The following LINGO2 variants were observed in gnomAD, a reference collection of about 807,000 sequenced individuals.
The protein encoded by LINGO2 is leucine rich repeat and Ig domain containing 2, also known as leucine-rich repeat and immunoglobulin-like domain-containing nogo receptor-interacting protein 2.
A neutral mutation model predicts 30.6 loss-of-function variants in LINGO2; 14 were observed. The ratio of observed to expected loss-of-function variants is 0.46; its 90% CI spans 0.30 to 0.72. The LOEUF is 0.72. Among genes scored for constraint, LINGO2 ranks in the 30% least tolerant of loss-of-function variants. LINGO2 has a pLI of 0.07. For missense variants in LINGO2, 729 were observed against 751.7 expected (o/e 0.97, Z 0.35); for synonymous variants, 317 against 288.5 (o/e 1.10, Z -1.00).
chr9:27,954,845 G>A (rs1460153367), intron 5 of LINGO2, among the ~76,000 whole-genome samples: 1 of 152,160 alleles, frequency 6.6e-6, no homozygotes, highest in African/African-American at 2.4e-5. Context: ...CATAGTGGCT[G>A]TAGTAGTTCA....
intron 1 of LINGO2, among the ~76,000 whole-genome samples, chr9:28,477,091 C>A (rs1335593345): frequency 2.0e-5 from 3 of 152,134 alleles, no homozygotes; most frequent in African/African-American, 7.2e-5. Flanking sequence ...TTTGCACTCT[C>A]TCAAAAGAAC....
chr9:29,143,695 A>C, the LINGO2 span, among the ~76,000 whole-genome samples: 2 of 152,162 alleles, frequency 1.3e-5, no homozygotes, highest in Non-Finnish European at 2.9e-5. Context: ...ATAGATTGCA[A>C]AAACTTTCCC....
intron 1 of LINGO2, among the ~76,000 whole-genome samples, chr9:28,520,054 T>C (rs993781576): frequency 2.6e-5 from 4 of 152,212 alleles, no homozygotes; most frequent in African/African-American, 9.6e-5. Flanking sequence ...TTCATTATCA[T>C]TATTAGCACT....
At chr9:27,956,898 G>C (rs969179692) in intron 5 of LINGO2, among the ~76,000 whole-genome samples, 1 of 152,052 alleles carries the variant, frequency 6.6e-6, no homozygotes, top group Non-Finnish European at 1.5e-5. Context: ...TTTGAGATCA[G>C]CCTGGGCAAC....
chr9:28,007,051 G>C (rs1822302477), intron 5 of LINGO2, among the ~76,000 whole-genome samples: 1 of 152,102 alleles, frequency 6.6e-6, no homozygotes, highest in Non-Finnish European at 1.5e-5. Context: ...TGTTTCACTA[G>C]TCTGTTAGTT....
Position 28,053,215 on chromosome 9 carries a change from T to G in LINGO2, c.-86-40810A>C, listed in dbSNP as rs536901881. Among the ~76,000 whole-genome samples, 9 of 152,192 alleles carry G rather than the reference T, an allele frequency of 5.9e-5. No individual in the cohort carries two copies. The South Asian group carries it at 1.5e-3, about 25-fold the overall frequency. ...TATACAGGCCATGTAGCATTTATAC[T>G]GAGTCCTGGAGAATGGAGAGGAATT... On this transcript the variant is annotated intron_variant, in intron 4 of 5. Coordinates refer to ENST00000379992, the Ensembl canonical transcript of LINGO2.
At chr9:28,618,340 T>C (rs962984565) in intron 1 of LINGO2, among the ~76,000 whole-genome samples, 4 of 152,168 alleles carry the variant, frequency 2.6e-5, no homozygotes, top group African/African-American at 4.8e-5. Flanking sequence ...CATTCAATCA[T>C]TAGCATCTCC....
intron 5 of LINGO2, among the ~76,000 whole-genome samples, chr9:28,010,863 A>G (rs1316597163): frequency 2.0e-5 from 3 of 152,086 alleles, no homozygotes; most frequent in African/African-American, 7.2e-5. Flanking sequence ...GCCGAGGTGG[A>G]AGGATGATCT....
intron 1 of LINGO2, among the ~76,000 whole-genome samples, chr9:28,532,719 G>A (rs1391970947): frequency 6.6e-6 from 1 of 152,078 alleles, no homozygotes; most frequent in Non-Finnish European, 1.5e-5. Context: ...AACCAGCCCA[G>A]CCCGCGTTGA....
chr9:28,572,675 G>A (rs1341959076), intron 1 of LINGO2, among the ~76,000 whole-genome samples: 1 of 148,310 alleles, frequency 6.7e-6, no homozygotes. Context: ...ATAGCAAAAT[G>A]TCCCGTGATT....
At chr9:29,088,882 T>C in the LINGO2 span, among the ~76,000 whole-genome samples, 2 of 152,152 alleles carry the variant, frequency 1.3e-5, no homozygotes, top group Middle Eastern at 3.2e-3. Flanking sequence ...TATTAACATA[T>C]GCCTTTCAGT....
At chr9:28,643,323 TA>T (rs1483635422) in intron 1 of LINGO2, among the ~76,000 whole-genome samples, 1 of 151,972 alleles carries the variant, frequency 6.6e-6, no homozygotes. Context: ...AAAAGCATGC[TA>T]CTGGCATAAA....
intron 4 of LINGO2, among the ~76,000 whole-genome samples, chr9:28,224,144 A>C (rs866667284): frequency 5.1e-4 from 77 of 152,274 alleles, no homozygotes; most frequent in African/African-American, 1.7e-3. Context: ...GGCTCACTGC[A>C]AGCTCTGCCT....
At chr9:28,052,790 A>G (rs1824736922) in intron 4 of LINGO2, among the ~76,000 whole-genome samples, 1 of 152,120 alleles carries the variant, frequency 6.6e-6, no homozygotes, top group Non-Finnish European at 1.5e-5. Context: ...CTTAGTTCTC[A>G]AGTACATGAC....
chr9:29,199,031 C>G, the LINGO2 span, among the ~76,000 whole-genome samples: 1 of 152,156 alleles, frequency 6.6e-6, no homozygotes, highest in South Asian at 2.1e-4. Context: ...CGTAAAACCA[C>G]AAGGATTAAT....
chr9:28,040,071 C>T (rs544780366), intron 4 of LINGO2, among the ~76,000 whole-genome samples: 1 of 152,158 alleles, frequency 6.6e-6, no homozygotes, highest in African/African-American at 2.4e-5. Context: ...TTTTCAAAAC[C>T]ATTTTCCTTC....
rs190856275 is a variant in LINGO2, at chr9:28,424,067, C to T, written c.-278-51199G>A. Among the ~76,000 whole-genome samples, 8 of 152,130 alleles carry T rather than the reference C, an allele frequency of 5.3e-5. No homozygotes were observed. In the East Asian group the frequency reaches 1.5e-3, roughly 29 times the overall value. On this transcript the variant is annotated intron_variant, in intron 2 of 5. Transcript: ENST00000379992. ...CCACCAATTCCCATCCATTGCCTAC[C>T]CCTTGTCCACATTGTCTGTCATACT...
At position 28,152,572 on chromosome 9, in the gene LINGO2, CTCAAATA is replaced by C. The variant is rs1292762258; in HGVS notation, c.-86-140174_-86-140168del. 1.3e-5 allele frequency among the ~76,000 whole-genome samples: 2 copies of C among 152,054 alleles called. 1 individual carries two copies. Among genetic ancestry groups the C allele is most frequent in the Non-Finnish European group, 2.9e-5 (2 of 68,012 alleles). ...CAAAAAGAGAGAACCTCACAATAAA[CTCAAATA>C]TATACAAGAATGCAACATGTATAAA... On this transcript the variant is annotated intron_variant, in intron 4 of 5. Transcript: ENST00000379992.
intron 2 of LINGO2, among the ~76,000 whole-genome samples, chr9:28,403,992 T>A (rs1455016138): frequency 1.3e-5 from 2 of 152,078 alleles, no homozygotes; most frequent in East Asian, 3.9e-4. Context: ...TCTAATTCTG[T>A]CTTTACCTAT....
Sources: allele counts gnomAD v4.1 joint callset (sites outside exome capture counted in the v4.1 genomes callset), GRCh38; gene constraint gnomAD v4.1.1; transcripts MANE v1.5; gene names NCBI Gene and HGNC (gene_info 2026-07-23, HGNC 2026-07-21).